The following B3GALT5 variants were observed in gnomAD, a reference collection of about 807,000 sequenced individuals.
B3GALT5 encodes the protein UDP-Gal:betaGlcNAc beta 1,3-galactosyltransferase, polypeptide 5.
For synonymous variants in B3GALT5, 156 were observed against 158.6 expected (o/e 0.98, Z 0.12); for missense variants, 328 against 396.6 (o/e 0.83, Z 1.47).
At position 39,664,418 on chromosome 21, in the gene B3GALT5, C is replaced by T. The variant is rs1000358514; in HGVS notation, c.*2926C>T. 6.5e-6 allele frequency: 1 copy of T among 152,756 alleles called. No homozygotes were observed. Among genetic ancestry groups the T allele is most frequent in the Non-Finnish European group, 1.5e-5 (1 of 68,376 alleles). The allele number at this position is 152,756 out of a possible 1,614,324, so 9.5% of individuals were successfully genotyped here. A position where few individuals can be genotyped will look rare whatever the true frequency, so the allele number is the denominator to read the frequency against. On this transcript the variant is annotated 3_prime_UTR_variant, in exon 4 of 4. Coordinates refer to ENST00000684187, the MANE Select transcript of B3GALT5 (RefSeq NM_001356336.2). ...TGGACTGACTCCAGCTCTTCTTCCA[C>T]AGCTCCTGATGTGGCCTCACTCTCG...
intron 1 of B3GALT5, among the ~76,000 whole-genome samples, chr21:39,624,753 G>T (rs2079154975): frequency 6.6e-6 from 1 of 151,656 alleles, no homozygotes; most frequent in South Asian, 2.1e-4. Context: ...CTTCTTCAAG[G>T]ATAAAAATGT....
chr21:39,623,604 G>T (rs1208258118), intron 1 of B3GALT5, among the ~76,000 whole-genome samples: 1 of 152,068 alleles, frequency 6.6e-6, no homozygotes, highest in East Asian at 1.9e-4. Context: ...ATTTTAGATG[G>T]GCAGTTACTT....
At chr21:39,618,642 G>A (rs900291580) in intron 1 of B3GALT5, among the ~76,000 whole-genome samples, 1 of 152,072 alleles carries the variant, frequency 6.6e-6, no homozygotes, top group African/African-American at 2.4e-5. Flanking sequence ...CATTTGGAAT[G>A]TCTTTTTCTT....
chr21:39,617,519 G>C (rs1003697765), intron 1 of B3GALT5, among the ~76,000 whole-genome samples: 3 of 152,162 alleles, frequency 2.0e-5, no homozygotes, highest in African/African-American at 7.2e-5. Flanking sequence ...AAAACCATCA[G>C]ATCTCATGAG....
At chr21:39,655,908 G>A (rs920241697) in intron 2 of B3GALT5, among the ~76,000 whole-genome samples, 1 of 152,138 alleles carries the variant, frequency 6.6e-6, no homozygotes, top group Non-Finnish European at 1.5e-5. Context: ...CAGGGGAAGG[G>A]ATATTTTCAG....
chr21:39,651,005 G>A (rs1479813787), intron 2 of B3GALT5, among the ~76,000 whole-genome samples: 1 of 151,932 alleles, frequency 6.6e-6, no homozygotes, highest in East Asian at 1.9e-4. Flanking sequence ...TAGAGTGGCT[G>A]GGAATGAGGT....
At position 39,662,672 on chromosome 21, in the gene B3GALT5, A is replaced by G. The variant is rs895272451; in HGVS notation, c.*1180A>G. The G allele has an allele frequency of 6.0e-6, 1 of 167,590 alleles. No homozygotes were observed. The highest frequency in any genetic ancestry group is 2.4e-5 in the African/African-American group (1 of 41,558). The allele number at this position is 167,590 out of a possible 1,614,324, so 10.4% of individuals were successfully genotyped here. A position where few individuals can be genotyped will look rare whatever the true frequency, so the allele number is the denominator to read the frequency against. On this transcript the variant is annotated 3_prime_UTR_variant, in exon 4 of 4. Transcript: ENST00000684187. ...CAGTTTGCTCCGCTGCCTCCTACCC[A>G]GAGGTTTGTGCGAGCCTGTGTTGCA...
chr21:39,653,423 C>G (rs1374144266), intron 2 of B3GALT5, among the ~76,000 whole-genome samples: 1 of 152,182 alleles, frequency 6.6e-6, no homozygotes, highest in Non-Finnish European at 1.5e-5. Context: ...AATATTTTCC[C>G]TTTGCAATCT....
intron 1 of B3GALT5, among the ~76,000 whole-genome samples, chr21:39,641,420 TCTAA>T (rs143988907): frequency 0.12 from 18,479 of 152,190 alleles, 1,246 homozygotes; most frequent in Non-Finnish European, 0.16. Flanking sequence ...AAATTCTTAC[TCTAA>T]CTTTGTTTAC....
At chr21:39,614,359 A>G (rs1225719716) in intron 1 of B3GALT5, among the ~76,000 whole-genome samples, 1 of 152,168 alleles carries the variant, frequency 6.6e-6, no homozygotes, top group Non-Finnish European at 1.5e-5. Flanking sequence ...AATAATAATA[A>G]AAATCTGACG....
At chr21:39,652,186 T>C (rs2146209903) in intron 2 of B3GALT5, among the ~76,000 whole-genome samples, 1 of 152,306 alleles carries the variant, frequency 6.6e-6, no homozygotes, top group East Asian at 1.9e-4. Flanking sequence ...TCTCAGTAGG[T>C]ATGACCTGGA....
intron 1 of B3GALT5, among the ~76,000 whole-genome samples, chr21:39,642,905 A>T (rs2079302180): frequency 6.6e-6 from 1 of 150,934 alleles, no homozygotes. Context: ...AAGAAAAGAA[A>T]GCTGGGCATG....
Position 39,642,060 on chromosome 21 carries a change from C to G in B3GALT5, c.-391-4332C>G, listed in dbSNP as rs146965623. Among the ~76,000 whole-genome samples the G allele has an allele frequency of 4.1e-3, 623 of 152,322 alleles. 5 individuals carry two copies. Among genetic ancestry groups the G allele is most frequent in the East Asian group, 0.023 (118 of 5,182 alleles). On this transcript the variant is annotated intron_variant, in intron 1 of 3. Coordinates refer to ENST00000684187, the MANE Select transcript of B3GALT5 (RefSeq NM_001356336.2). The stretch of plus-strand genomic sequence containing the variant: ...AGCTTGACTTGTCTGTCCTGTAGTA[C>G]CTTGCTCCGTAACTGTTGCTTTCCG...
chr21:39,623,824 T>A (rs1602256839), intron 1 of B3GALT5, among the ~76,000 whole-genome samples: 1 of 152,222 alleles, frequency 6.6e-6, no homozygotes, highest in Non-Finnish European at 1.5e-5. Context: ...TGATTTGAGA[T>A]CTCATATTTT....
At position 39,668,072 on chromosome 21, in the gene B3GALT5, T is replaced by A. The variant is rs894810361; in HGVS notation, c.*6580T>A. On this transcript the variant is annotated 3_prime_UTR_variant, in exon 4 of 4. Coordinates refer to ENST00000684187, the MANE Select transcript of B3GALT5 (RefSeq NM_001356336.2). ...GAATGCATGGGCTGCTATCGCGATG[T>A]TGTATCTAATGGCCTGCAGTGGTTG... is the stretch of plus-strand genomic sequence containing the variant. 6.6e-6 allele frequency: 1 copy of A among 152,234 alleles called. No homozygotes were observed. The highest frequency in any genetic ancestry group is 2.4e-5 in the African/African-American group (1 of 41,460). The allele number at this position is 152,234 out of a possible 1,614,324, so 9.4% of individuals were successfully genotyped here.
chr21:39,665,229 A>T lies in B3GALT5; in HGVS notation c.*3737A>T, dbSNP rs2079568608. 1 of 152,058 alleles carries T rather than the reference A, an allele frequency of 6.6e-6. No homozygotes were observed. The highest frequency in any genetic ancestry group is 2.1e-4 in the South Asian group (1 of 4,806). 9.4% of individuals were successfully genotyped at this position (152,058 alleles called of 1,614,324 possible). The stretch of plus-strand genomic sequence containing the variant: ...TGGTGCATCAGGAAAGACTGTGGGA[A>T]CTACCTTCAAATTCTCTCCAGGAGC... On this transcript the variant is annotated 3_prime_UTR_variant, in exon 4 of 4. Transcript: ENST00000684187.
chr21:39,670,938 A>AT lies in B3GALT5; in HGVS notation c.*9447dup, dbSNP rs1330118679. 6.6e-6 allele frequency: 1 copy of AT among 152,266 alleles called. No homozygotes were observed. The highest frequency in any genetic ancestry group is 1.5e-5 in the Non-Finnish European group (1 of 68,052). 9.4% of individuals were successfully genotyped at this position (152,266 alleles called of 1,614,324 possible). On this transcript the variant is annotated 3_prime_UTR_variant, in exon 4 of 4. Transcript: ENST00000684187. The stretch of plus-strand genomic sequence containing the variant: ...GTTTGTTTTGTGTTGCTGTAACAGA[A>AT]TACCACAGACTGGGCGATTTATAGA...
chr21:39,621,676 A>G (rs1035205685), intron 1 of B3GALT5, among the ~76,000 whole-genome samples: 1 of 152,116 alleles, frequency 6.6e-6, no homozygotes, highest in African/African-American at 2.4e-5. Context: ...AATTATTTCA[A>G]AGTTTTGAAA....
Position 39,666,052 on chromosome 21 carries a change from A to C in B3GALT5, c.*4560A>C, listed in dbSNP as rs1435528389. On this transcript the variant is annotated 3_prime_UTR_variant, in exon 4 of 4. Coordinates refer to ENST00000684187, the MANE Select transcript of B3GALT5 (RefSeq NM_001356336.2). ...AGGGAATGGGTGAACCAGGACTGAAAAAAAAGAAATATTTTTCAAAGTAAG... is the reference window on the plus strand; with the variant it reads ...AGGGAATGGGTGAACCAGGACTGAACAAAAAGAAATATTTTTCAAAGTAAG... 6.6e-6 allele frequency: 1 copy of C among 152,222 alleles called. No individual in the cohort carries two copies. Among genetic ancestry groups the C allele is most frequent in the African/African-American group, 2.4e-5 (1 of 41,448 alleles). The allele number at this position is 152,222 out of a possible 1,614,324, so 9.4% of individuals were successfully genotyped here. A position where few individuals can be genotyped will look rare whatever the true frequency, so the allele number is the denominator to read the frequency against.
Sources: gnomAD v4.1 joint callset for allele counts (sites outside exome capture counted in the v4.1 genomes callset) on GRCh38, gnomAD v4.1.1 for gene constraint, MANE v1.5 for transcripts, NCBI Gene and HGNC (gene_info 2026-07-23, HGNC 2026-07-21) for gene names.